MNAT1: variants seen among roughly 807,000 people sequenced by gnomAD.
MNAT1 encodes the protein CDK-activating kinase assembly factor MAT1.
Under a neutral mutation model 42.0 loss-of-function variants are expected in MNAT1, and 43 were observed. That is an observed-to-expected ratio of 1.02 (90% confidence interval 0.80 to 1.32). The LOEUF is 1.32. MNAT1 is among the 40% of genes most tolerant of loss of function. MNAT1 has a pLI of 0.00. For synonymous variants in MNAT1, 118 were observed against 120.0 expected (o/e 0.98, Z 0.11); for missense variants, 306 against 350.4 (o/e 0.87, Z 1.01).
At chr14:60,909,523 G>GTTTCAGC (rs1434190439) in intron 7 of MNAT1, among the ~76,000 whole-genome samples, 1 of 152,158 alleles carries the variant, frequency 6.6e-6, no homozygotes, top group African/African-American at 2.4e-5. Context: ...AAGGGCTCCA[G>GTTTCAGC]TTTCAGCTTT....
chr14:60,947,334 G>A (rs1013809446), intron 7 of MNAT1, among the ~76,000 whole-genome samples: 3 of 152,050 alleles, frequency 2.0e-5, no homozygotes, highest in Non-Finnish European at 4.4e-5. Context: ...ACCCCATAGT[G>A]CTCCAAAGGT....
At chr14:60,937,033 AGTGT>A (rs1171724188) in intron 7 of MNAT1, among the ~76,000 whole-genome samples, 2 of 151,270 alleles carry the variant, frequency 1.3e-5, no homozygotes, top group African/African-American at 4.9e-5. Context: ...TCTTTTGAGA[AGTGT>A]GTGTTCATAT....
chr14:60,780,350 C>G, intron 1 of MNAT1: 1 of 1,574,502 alleles, frequency 6.4e-7, no homozygotes, highest in Non-Finnish European at 8.7e-7. Context: ...GAAAGCTATT[C>G]AGGATGAAAT....
chr14:60,897,768 C>T (rs1478332825), intron 7 of MNAT1, among the ~76,000 whole-genome samples: 1 of 150,858 alleles, frequency 6.6e-6, no homozygotes, highest in Admixed American at 6.6e-5. Context: ...TCTCTTCTGG[C>T]TACTTAGAAA....
chr14:60,799,208 CACTGCT>C, intron 3 of MNAT1: 1 of 979,868 alleles, frequency 1.0e-6, no homozygotes, highest in Non-Finnish European at 1.2e-6. Flanking sequence ...CCATAAGAGC[CACTGCT>C]TTTCCATTCT....
intron 1 of MNAT1, among the ~76,000 whole-genome samples, chr14:60,784,201 T>TTTTTTC (rs1435948099): frequency 7.0e-6 from 1 of 143,868 alleles, no homozygotes; most frequent in African/African-American, 2.6e-5. Context: ...TTTTTTTTTT[T>TTTTTTC]TTAGTAGAGG....
chr14:60,923,175 G>A (rs990089234), intron 7 of MNAT1, among the ~76,000 whole-genome samples: 1 of 152,162 alleles, frequency 6.6e-6, no homozygotes, highest in African/African-American at 2.4e-5. Flanking sequence ...AGGACCTAGA[G>A]TAGTGGTCTC....
chr14:60,940,569 C>T (rs2036127600), intron 7 of MNAT1, among the ~76,000 whole-genome samples: 1 of 152,148 alleles, frequency 6.6e-6, no homozygotes, highest in Non-Finnish European at 1.5e-5. Flanking sequence ...AGGTGCCTGT[C>T]ACCACGCCCA....
intron 1 of MNAT1, among the ~76,000 whole-genome samples, chr14:60,735,771 A>C (rs1047990024): frequency 6.6e-6 from 1 of 152,256 alleles, no homozygotes; most frequent in African/African-American, 2.4e-5. Context: ...GGGATTGGTC[A>C]AAGTGTTTCT....
At chr14:60,822,922 A>G (rs946143152) in intron 6 of MNAT1, among the ~76,000 whole-genome samples, 3 of 151,772 alleles carry the variant, frequency 2.0e-5, no homozygotes, top group African/African-American at 7.3e-5. Flanking sequence ...ACACCCGGCT[A>G]TTTTTTGTAA....
chr14:60,770,448 G>C (rs2031009260), intron 1 of MNAT1, among the ~76,000 whole-genome samples: 1 of 152,120 alleles, frequency 6.6e-6, no homozygotes, highest in African/African-American at 2.4e-5. Flanking sequence ...ACCCAGAGGT[G>C]CTGGATCATA....
intron 7 of MNAT1, among the ~76,000 whole-genome samples, chr14:60,948,587 A>G (rs1292261293): frequency 6.6e-6 from 1 of 152,070 alleles, no homozygotes; most frequent in Non-Finnish European, 1.5e-5. Flanking sequence ...CCTTTCATGT[A>G]TCAACTTACT....
rs1317200630 is a variant in MNAT1, at chr14:60,740,330, TTCTC to T, written c.89+5381_89+5384del. Among the ~76,000 whole-genome samples, 3 of 152,318 alleles carry T rather than the reference TTCTC, an allele frequency of 2.0e-5. No homozygotes were observed. The highest frequency in any genetic ancestry group is 1.9e-4 in the East Asian group (1 of 5,190). ...GTTTTGTGATAGTTACTTAACATCTTTCTCTTTCTTTTTTTCCCTTTTTTTTCTG... is the reference window on the plus strand; with the variant it reads ...GTTTTGTGATAGTTACTTAACATCTTTTTCTTTTTTTCCCTTTTTTTTCTG... On this transcript the variant is annotated intron_variant, in intron 1 of 7. Transcript: ENST00000261245. The surrounding 1 kb of genome is among the most constrained non-coding windows in gnomAD (Gnocchi z 4.1).
At chr14:60,795,722 T>C (rs4151201) in intron 1 of MNAT1, among the ~76,000 whole-genome samples, 131,644 of 152,146 alleles carry the variant, frequency 0.87, 58,703 homozygotes, top group Non-Finnish European at 0.98. Context: ...CACCTCTTTC[T>C]TGTAATTGTC....
chr14:60,906,331 AG>A (rs2035198411), intron 7 of MNAT1, among the ~76,000 whole-genome samples: 9 of 152,294 alleles, frequency 5.9e-5, no homozygotes, highest in Admixed American at 5.2e-4. Flanking sequence ...GGAGATGCGA[AG>A]TCATAGGAGA....
chr14:60,847,541 A>G (rs1370597443), intron 6 of MNAT1, among the ~76,000 whole-genome samples: 1 of 151,736 alleles, frequency 6.6e-6, no homozygotes, highest in Non-Finnish European at 1.5e-5. Flanking sequence ...TGTGTGCTGG[A>G]TGTTTTTCAT....
chr14:60,867,434 CTACCA>C (rs2139443281), intron 6 of MNAT1, among the ~76,000 whole-genome samples: 1 of 152,058 alleles, frequency 6.6e-6, no homozygotes, highest in African/African-American at 2.4e-5. Context: ...TTAAAAGAGC[CTACCA>C]TATATGTATC....
chr14:60,840,885 G>C (rs2033530324), intron 6 of MNAT1, among the ~76,000 whole-genome samples: 1 of 152,062 alleles, frequency 6.6e-6, no homozygotes. Context: ...GGATGGTTTT[G>C]ATTTCCTGAC....
chr14:60,845,973 G>C (rs1396248075), intron 6 of MNAT1, among the ~76,000 whole-genome samples: 1 of 151,980 alleles, frequency 6.6e-6, no homozygotes. Context: ...TGAAATATTT[G>C]ATGGAATTTA....
Sources: allele counts gnomAD v4.1 joint callset (sites outside exome capture counted in the v4.1 genomes callset), GRCh38; gene constraint gnomAD v4.1.1; non-coding constraint Gnocchi (gnomAD v3.1); transcripts MANE v1.5; gene names NCBI Gene and HGNC (gene_info 2026-07-23, HGNC 2026-07-21).